Variants in CHCHD6 observed in about 807,000 individuals in gnomAD.
The protein encoded by CHCHD6 is coiled-coil-helix-coiled-coil-helix domain containing 6.
In CHCHD6, 28 loss-of-function variants were observed where a neutral mutation model predicts 32.3. The ratio of observed to expected loss-of-function variants is 0.87; its 90% CI spans 0.64 to 1.19. The LOEUF is 1.19. CHCHD6 is among the 50% of genes most tolerant of loss of function. The probability of loss-of-function intolerance (pLI) is 0.00; values close to 1 mark genes in which losing one functional copy is unlikely to be tolerated. For synonymous variants in CHCHD6, 122 were observed against 117.5 expected (o/e 1.04, Z -0.25); for missense variants, 333 against 307.0 (o/e 1.08, Z -0.63).
At chr3:126,904,374 ACTTGT>A (rs1436980283) in intron 5 of CHCHD6, among the ~76,000 whole-genome samples, 3 of 151,998 alleles carry the variant, frequency 2.0e-5, no homozygotes, top group Non-Finnish European at 4.4e-5. Context: ...CCACCCAAAC[ACTTGT>A]CTTGGCCACT....
chr3:126,903,754 G>A (rs1055527254), intron 5 of CHCHD6, among the ~76,000 whole-genome samples: 1 of 152,128 alleles, frequency 6.6e-6, no homozygotes, highest in Admixed American at 6.5e-5. Context: ...AGATTTCCTT[G>A]TCGATCCTGT....
At chr3:126,757,781 G>C (rs1253576174) in intron 4 of CHCHD6, among the ~76,000 whole-genome samples, 1 of 152,160 alleles carries the variant, frequency 6.6e-6, no homozygotes, top group Non-Finnish European at 1.5e-5. Context: ...ACAGAGCTCT[G>C]GGAGTATGAG....
chr3:126,945,879 T>G (rs925519062), intron 6 of CHCHD6, among the ~76,000 whole-genome samples: 8 of 151,576 alleles, frequency 5.3e-5, no homozygotes, highest in Admixed American at 3.9e-4. Context: ...AGCTAAAGTT[T>G]CCAGCAGAGA....
intron 4 of CHCHD6, among the ~76,000 whole-genome samples, chr3:126,743,076 C>T (rs9838251): frequency 6.6e-6 from 1 of 151,744 alleles, no homozygotes; most frequent in East Asian, 1.9e-4. Flanking sequence ...GAAGGTGAAA[C>T]GCAGTCTCTA....
At chr3:126,827,481 G>A (rs1336691180) in intron 4 of CHCHD6, among the ~76,000 whole-genome samples, 2 of 152,196 alleles carry the variant, frequency 1.3e-5, no homozygotes, top group African/African-American at 4.8e-5. Context: ...GGGCCCATCT[G>A]ACTGCCCAAT....
chr3:126,818,513 G>A (rs1366128364), intron 4 of CHCHD6, among the ~76,000 whole-genome samples: 3 of 152,220 alleles, frequency 2.0e-5, no homozygotes, highest in African/African-American at 7.2e-5. Flanking sequence ...GAGGAAATCA[G>A]CGAAGGCATA....
At chr3:126,705,470 T>C (rs771757074) in intron 1 of CHCHD6, among the ~76,000 whole-genome samples, 2 of 152,174 alleles carry the variant, frequency 1.3e-5, no homozygotes, top group Admixed American at 6.5e-5. Context: ...TTATTGTAGA[T>C]TAAGGAGAAG....
chr3:126,892,269 T>C (rs1429230898), intron 5 of CHCHD6, among the ~76,000 whole-genome samples: 1 of 152,188 alleles, frequency 6.6e-6, no homozygotes, highest in Non-Finnish European at 1.5e-5. Flanking sequence ...CTGGTTGTTC[T>C]TCAGTTAAGG....
At chr3:126,706,306 T>C (rs1054203399) in intron 1 of CHCHD6, among the ~76,000 whole-genome samples, 3 of 152,198 alleles carry the variant, frequency 2.0e-5, no homozygotes, top group Non-Finnish European at 2.9e-5. Flanking sequence ...ATTCTCTGTA[T>C]TTAAAGATGG....
chr3:126,888,862 C>T (rs962864805), intron 5 of CHCHD6, among the ~76,000 whole-genome samples: 1 of 152,296 alleles, frequency 6.6e-6, no homozygotes, highest in Non-Finnish European at 1.5e-5. Flanking sequence ...CCTGGGCTTC[C>T]GCTCTGGGGA....
Position 126,881,711 on chromosome 3 carries a change from G to A in CHCHD6, c.495+28981G>A, listed in dbSNP as rs530146159. ...GTATTGGAAGGGTGGATGGGGCACC[G>A]CTGTGTTTTGTTGTATCTTTTTGCA... On this transcript the variant is annotated intron_variant, in intron 5 of 7. Coordinates refer to ENST00000290913, the MANE Select transcript of CHCHD6 (RefSeq NM_032343.3). Among the ~76,000 whole-genome samples the A allele has an allele frequency of 1.2e-3, 190 of 152,270 alleles. 4 individuals carry two copies. The South Asian group carries it at 0.039, about 31-fold the overall frequency.
At chr3:126,711,699 G>C (rs1001143596) in intron 1 of CHCHD6, among the ~76,000 whole-genome samples, 1 of 152,194 alleles carries the variant, frequency 6.6e-6, no homozygotes, top group African/African-American at 2.4e-5. Flanking sequence ...CACCACGAAG[G>C]GGTTGCGTTA....
At chr3:126,863,653 TCCCCCTCCTCCACCATCA>T (rs1559889057) in intron 5 of CHCHD6, among the ~76,000 whole-genome samples, 1 of 104,104 alleles carries the variant, frequency 9.6e-6, no homozygotes, top group Non-Finnish European at 1.9e-5. Context: ...CATCACCACC[TCCCCCTCCTCCACCATCA>T]CCACCTCCTC....
chr3:126,775,670 C>G (rs1248894682), intron 4 of CHCHD6, among the ~76,000 whole-genome samples: 1 of 152,232 alleles, frequency 6.6e-6, no homozygotes, highest in African/African-American at 2.4e-5. Flanking sequence ...TACTAAAACT[C>G]TAGAGGTTAA....
chr3:126,708,129 T>C (rs1164598506), intron 1 of CHCHD6, among the ~76,000 whole-genome samples: 1 of 152,260 alleles, frequency 6.6e-6, no homozygotes, highest in East Asian at 1.9e-4. Context: ...AGATGTTGAC[T>C]GTGGCCTGAG....
chr3:126,871,661 CTT>C (rs869191195), intron 5 of CHCHD6, among the ~76,000 whole-genome samples: 210 of 125,104 alleles, frequency 1.7e-3, no homozygotes, highest in African/African-American at 5.9e-3. Flanking sequence ...GACCCCCCAA[CTT>C]TTTTTTTTTT....
chr3:126,871,107 A>G (rs1003471443), intron 5 of CHCHD6, among the ~76,000 whole-genome samples: 5 of 152,100 alleles, frequency 3.3e-5, no homozygotes, highest in African/African-American at 1.2e-4. Context: ...ATTCCCTCAT[A>G]TCAGCGTTTG....
intron 4 of CHCHD6, among the ~76,000 whole-genome samples, chr3:126,821,658 C>T (rs140526988): frequency 2.6e-4 from 40 of 152,256 alleles, no homozygotes; most frequent in Admixed American, 1.1e-3. Context: ...GAGTATATGA[C>T]GGTTCCAGTT....
intron 4 of CHCHD6, among the ~76,000 whole-genome samples, chr3:126,849,893 C>G (rs1177539875): frequency 6.6e-6 from 1 of 152,218 alleles, no homozygotes; most frequent in African/African-American, 2.4e-5. Flanking sequence ...ACTGAAACCA[C>G]AGTTGTGCTG....
Sources: allele counts gnomAD v4.1 joint callset (sites outside exome capture counted in the v4.1 genomes callset), GRCh38; gene constraint gnomAD v4.1.1; transcripts MANE v1.5; gene names NCBI Gene and HGNC (gene_info 2026-07-23, HGNC 2026-07-21).